EYS: variants seen among roughly 807,000 people sequenced by gnomAD.
EYS encodes EGF-like photoreceptor maintenance factor, also known as protein eyes shut homolog.
EYS carries 250 observed loss-of-function variants against 282.1 expected under a neutral mutation model. The ratio of observed to expected loss-of-function variants is 0.89; its 90% CI spans 0.80 to 0.98. The LOEUF (loss-of-function observed/expected upper bound fraction) is 0.98. Among genes scored for constraint, EYS ranks in the 50% least tolerant of loss-of-function variants. The pLI, the probability that EYS is intolerant of heterozygous loss-of-function variation, is 0.00. For synonymous variants in EYS, 1,355 were observed against 1,282.9 expected, an observed-to-expected ratio of 1.06 and a Z score of -1.20; for missense variants, 4,016 against 3,709.0, an observed-to-expected ratio of 1.08 and a Z score of -2.15.
At chr6:65,078,081 T>C (rs1409149092) in intron 12 of EYS, among the ~76,000 whole-genome samples, 2 of 152,086 alleles carry the variant, frequency 1.3e-5, no homozygotes, top group Non-Finnish European at 2.9e-5. Flanking sequence ...GATTTCCTCT[T>C]TTCTATTTTG....
intron 2 of EYS, among the ~76,000 whole-genome samples, chr6:65,562,277 C>T (rs76158050): frequency 0.021 from 3,258 of 152,040 alleles, 127 homozygotes; most frequent in African/African-American, 0.074. Flanking sequence ...ACATCAAATT[C>T]GAATGAGGCA....
chr6:64,495,366 G>A (rs1253239527), intron 26 of EYS, among the ~76,000 whole-genome samples: 1 of 151,732 alleles, frequency 6.6e-6, no homozygotes, highest in Non-Finnish European at 1.5e-5. Flanking sequence ...TCTCAACTTG[G>A]ACTTGGAAGA....
At chr6:65,377,857 A>G (rs1288479452) in intron 8 of EYS, among the ~76,000 whole-genome samples, 1 of 152,162 alleles carries the variant, frequency 6.6e-6, no homozygotes, top group African/African-American at 2.4e-5. Flanking sequence ...TAAACCACGA[A>G]GAAGTCAAAT....
At chr6:65,293,706 C>G (rs1269302203) in intron 12 of EYS, among the ~76,000 whole-genome samples, 5 of 151,792 alleles carry the variant, frequency 3.3e-5, no homozygotes, top group Non-Finnish European at 7.4e-5. Flanking sequence ...GCTAGAGCTA[C>G]CAACTGAGAA....
chr6:64,303,710 G>A lies in EYS; in HGVS notation c.6191+3260C>T, dbSNP rs554405009. The stretch of plus-strand genomic sequence containing the variant: ...ACAAAAATTAGCCGGGCATGGTGGC[G>A]CGCGCCTGTAGTCCCAGCTACACGG... On this transcript the variant is annotated intron_variant, in intron 30 of 42. Coordinates refer to ENST00000503581, the MANE Select transcript of EYS (RefSeq NM_001142800.2). Among the ~76,000 whole-genome samples the A allele has an allele frequency of 8.6e-3, 1,304 of 151,436 alleles. 7 individuals carry two copies. Among genetic ancestry groups the A allele is most frequent in the Non-Finnish European group, 0.013 (889 of 67,788 alleles).
At chr6:64,146,151 G>A (rs1007970940) in intron 31 of EYS, among the ~76,000 whole-genome samples, 1 of 151,994 alleles carries the variant, frequency 6.6e-6, no homozygotes, top group Non-Finnish European at 1.5e-5. Context: ...GGATTCATGG[G>A]TTATATTTAT....
chr6:65,217,035 C>A (rs1038550914), intron 12 of EYS, among the ~76,000 whole-genome samples: 3 of 152,032 alleles, frequency 2.0e-5, no homozygotes, highest in South Asian at 2.1e-4. Context: ...TGAGCCTCAG[C>A]AATACTGCTT....
intron 35 of EYS, among the ~76,000 whole-genome samples, chr6:63,867,961 G>T (rs1405843055): frequency 6.6e-6 from 1 of 152,140 alleles, no homozygotes; most frequent in Non-Finnish European, 1.5e-5. Flanking sequence ...ATGGGCATTA[G>T]TTATTATTGT....
chr6:64,154,436 G>A lies in EYS; in HGVS notation c.6425-72434C>T, dbSNP rs868306160. 3.1e-3 allele frequency among the ~76,000 whole-genome samples: 310 copies of A among 99,074 alleles called. 2 individuals carry two copies. Among genetic ancestry groups the A allele is most frequent in the African/African-American group, 0.012 (287 of 23,452 alleles). The allele number at this position is 99,074 out of a possible 152,430, so 65.0% of individuals were successfully genotyped here. A position where few individuals can be genotyped will look rare whatever the true frequency, so the allele number is the denominator to read the frequency against. ...GTCTGGGCAATAAGTGGGAAACTCC[G>A]TCTCAAAAAAAAAAAAAAAAAAAAA... On this transcript the variant is annotated intron_variant, in intron 31 of 42. Transcript: ENST00000503581.
intron 29 of EYS, among the ~76,000 whole-genome samples, chr6:64,310,697 A>T (rs1055694252): frequency 3.3e-5 from 5 of 152,208 alleles, no homozygotes; most frequent in African/African-American, 1.2e-4. Context: ...ACAACAGTTT[A>T]CCTATAAACC....
intron 35 of EYS, among the ~76,000 whole-genome samples, chr6:63,904,707 C>A (rs1397356169): frequency 1.3e-5 from 2 of 152,272 alleles, no homozygotes; most frequent in East Asian, 1.9e-4. Context: ...AGCCTCAGGG[C>A]CCTTCACTTG....
chr6:64,013,497 G>A (rs1008451545), intron 33 of EYS, among the ~76,000 whole-genome samples: 2 of 152,178 alleles, frequency 1.3e-5, no homozygotes, highest in Admixed American at 6.5e-5. Flanking sequence ...GATGATGAGT[G>A]TCAATGGGAT....
At chr6:65,149,130 T>C (rs1188183772) in intron 12 of EYS, among the ~76,000 whole-genome samples, 1 of 152,160 alleles carries the variant, frequency 6.6e-6, no homozygotes, top group Non-Finnish European at 1.5e-5. Context: ...CTGTTTTACA[T>C]ATGCAAATTT....
At position 63,788,269 on chromosome 6, in the gene EYS, C is replaced by A. The variant is rs779287638; in HGVS notation, c.7579-20G>T. On this transcript the variant is annotated intron_variant, in intron 38 of 42. Transcript: ENST00000503581. The stretch of plus-strand genomic sequence containing the variant: ...ATCTACCTTCGAAAGGGAAAAAAAA[C>A]CTATTAAAAAAGGAATTAATTCCCC... 1.5e-5 allele frequency: 23 copies of A among 1,505,914 alleles called. No homozygotes were observed. The highest frequency in any genetic ancestry group is 2.8e-5 in the African/African-American group (2 of 70,288). The allele number at this position is 1,505,914 out of a possible 1,614,324, so 93.3% of individuals were successfully genotyped here. A position where few individuals can be genotyped will look rare whatever the true frequency, so the allele number is the denominator to read the frequency against.
At chr6:65,519,616 T>G (rs2127297313) in intron 2 of EYS, among the ~76,000 whole-genome samples, 1 of 145,686 alleles carries the variant, frequency 6.9e-6, no homozygotes, top group African/African-American at 2.5e-5. Context: ...TTATGGTCTC[T>G]ATTAGTCTGC....
At chr6:65,068,850 A>G (rs1773825801) in intron 12 of EYS, among the ~76,000 whole-genome samples, 1 of 152,072 alleles carries the variant, frequency 6.6e-6, no homozygotes, top group African/African-American at 2.4e-5. Context: ...GCTCTGCAGT[A>G]TCTGTTAAAT....
intron 2 of EYS, among the ~76,000 whole-genome samples, chr6:65,544,519 C>G (rs1768311180): frequency 6.6e-6 from 1 of 152,016 alleles, no homozygotes. Flanking sequence ...CCCCCTTTTG[C>G]TCTGCACTTC....
intron 15 of EYS, among the ~76,000 whole-genome samples, chr6:64,929,530 A>G (rs1768638435): frequency 6.6e-6 from 1 of 152,150 alleles, no homozygotes; most frequent in Non-Finnish European, 1.5e-5. Flanking sequence ...ACTGTTATCA[A>G]AAAGCAATTT....
At chr6:64,794,370 T>A (rs1774288105) in intron 22 of EYS, among the ~76,000 whole-genome samples, 1 of 152,158 alleles carries the variant, frequency 6.6e-6, no homozygotes, top group Non-Finnish European at 1.5e-5. Context: ...AGGGGCTTGG[T>A]GGGAGGTGAC....
Sources: allele counts gnomAD v4.1 joint callset (sites outside exome capture counted in the v4.1 genomes callset), GRCh38; gene constraint gnomAD v4.1.1; transcripts MANE v1.5; gene names NCBI Gene and HGNC (gene_info 2026-07-23, HGNC 2026-07-21).